The following PREX1 variants were observed in gnomAD, a reference collection of about 807,000 sequenced individuals.
PREX1 encodes phosphatidylinositol 3,4,5-trisphosphate-dependent Rac exchanger 1 protein.
PREX1 carries 41 observed loss-of-function variants against 198.3 expected under a neutral mutation model. The ratio of observed to expected loss-of-function variants is 0.21; its 90% CI spans 0.16 to 0.27. PREX1 has a LOEUF of 0.27. PREX1 is among the 10% of genes least tolerant of loss of function. The probability of loss-of-function intolerance (pLI) is 1.00; values close to 1 mark genes in which losing one functional copy is unlikely to be tolerated. For missense variants in PREX1, 1,620 were observed against 2,200.7 expected (o/e 0.74, Z 5.28); for synonymous variants, 843 against 887.2 (o/e 0.95, Z 0.89).
intron 35 of PREX1, among the ~76,000 whole-genome samples, chr20:48,631,692 T>TCGGC (rs1452809096): frequency 6.6e-6 from 1 of 152,112 alleles, no homozygotes; most frequent in Non-Finnish European, 1.5e-5. Context: ...GTCTTAATTC[T>TCGGC]CGGCCTGCCT....
chr20:48,790,197 A>G (rs1292130852), intron 1 of PREX1, among the ~76,000 whole-genome samples: 1 of 152,222 alleles, frequency 6.6e-6, no homozygotes, highest in African/African-American at 2.4e-5. Flanking sequence ...GCCAGAAGAA[A>G]TAAGTCAGTT....
chr20:48,631,257 T>C (rs879010369), intron 35 of PREX1, among the ~76,000 whole-genome samples: 1 of 152,220 alleles, frequency 6.6e-6, no homozygotes, highest in Non-Finnish European at 1.5e-5. Context: ...AGCTCTGCCA[T>C]TGCAGCACAA....
chr20:48,637,689 C>A (rs756813612), intron 31 of PREX1, 22 bp downstream of exon 31: 37 of 1,601,656 alleles, frequency 2.3e-5, no homozygotes, highest in Non-Finnish European at 3.0e-5. Context: ...ATGTGCCCCC[C>A]ACACACCTTT....
At chr20:48,723,118 G>C (rs2089993289) in intron 5 of PREX1, among the ~76,000 whole-genome samples, 1 of 152,256 alleles carries the variant, frequency 6.6e-6, no homozygotes, top group South Asian at 2.1e-4. Flanking sequence ...TTCAAGTTCA[G>C]CTTTTGGGGG....
the PREX1 span, among the ~76,000 whole-genome samples, chr20:48,885,394 T>C: frequency 1.3e-5 from 2 of 152,190 alleles, no homozygotes; most frequent in Non-Finnish European, 2.9e-5. Context: ...AAGTGGAAGA[T>C]GACAACACCA....
chr20:48,697,424 A>T (rs1348430725), intron 7 of PREX1, among the ~76,000 whole-genome samples: 1 of 146,586 alleles, frequency 6.8e-6, no homozygotes, highest in Non-Finnish European at 1.5e-5. Flanking sequence ...TCTGTCCCCC[A>T]GGCTGGAGTG....
intron 6 of PREX1, among the ~76,000 whole-genome samples, chr20:48,706,108 C>A (rs2089901605): frequency 6.6e-6 from 1 of 152,226 alleles, no homozygotes; most frequent in Admixed American, 6.5e-5. Context: ...GCAACACTGG[C>A]CACTGAGGGC....
rs117901586 is a variant in PREX1, at chr20:48,717,209, T to C, written c.622-8788A>G. 2.3e-3 allele frequency among the ~76,000 whole-genome samples: 353 copies of C among 152,078 alleles called. 4 individuals carry two copies. In the East Asian group the frequency reaches 0.045, roughly 19 times the overall value. Reference sequence around the variant, plus strand: ...GGTTGGTGGGGGTTGGAAAGCCATATTGTCCTCTCCACAAAGAGAAAAAGG... The same window carrying C: ...GGTTGGTGGGGGTTGGAAAGCCATACTGTCCTCTCCACAAAGAGAAAAAGG... On this transcript the variant is annotated intron_variant, in intron 5 of 39. Coordinates refer to ENST00000371941, the MANE Select transcript of PREX1 (RefSeq NM_020820.4).
the PREX1 span, among the ~76,000 whole-genome samples, chr20:48,880,240 C>T: frequency 6.6e-6 from 1 of 152,160 alleles, no homozygotes; most frequent in Non-Finnish European, 1.5e-5. Context: ...CAAATATATA[C>T]ACCTTGAAAT....
rs2089319587 is a variant in PREX1 at position 48,632,159 on chromosome 20, G to A, written c.4526+118C>T. ...GTGCTGTCACACAGAAGGTGCTCAAGAAAGGGTGTGCGGCCCACTGCCCAT... is the reference window on the plus strand; with the variant it reads ...GTGCTGTCACACAGAAGGTGCTCAAAAAAGGGTGTGCGGCCCACTGCCCAT... On this transcript the variant is annotated intron_variant, in intron 35 of 39. Transcript: ENST00000371941. The A allele has an allele frequency of 5.4e-6, 5 of 926,916 alleles. No homozygotes were observed. The Admixed American group carries it at 9.1e-5, about 17-fold the overall frequency. 57.4% of individuals were successfully genotyped at this position (926,916 alleles called of 1,614,324 possible).
chr20:48,667,963 T>TAGCTTCTC (rs1374504301), intron 14 of PREX1, among the ~76,000 whole-genome samples: 1 of 152,206 alleles, frequency 6.6e-6, no homozygotes, highest in Non-Finnish European at 1.5e-5. Flanking sequence ...CTCCACCTGC[T>TAGCTTCTC]AGCTTCTCAG....
chr20:48,728,450 T>C (rs1051865944), intron 4 of PREX1, among the ~76,000 whole-genome samples: 1 of 152,180 alleles, frequency 6.6e-6, no homozygotes, highest in Non-Finnish European at 1.5e-5. Flanking sequence ...CACAATAAGC[T>C]CTGCCTGGAA....
the PREX1 span, among the ~76,000 whole-genome samples, chr20:48,863,991 C>T: frequency 3.3e-5 from 5 of 152,250 alleles, no homozygotes; most frequent in South Asian, 4.1e-4. Context: ...TTTGTCTGGA[C>T]GTGCCACAGT....
In PREX1 at chr20:48,643,479, T is replaced by A. The variant is rs572224655; in HGVS notation, c.3601+930A>T. Among the ~76,000 whole-genome samples the A allele has an allele frequency of 1.3e-3, 196 of 146,576 alleles. 1 individual carries two copies. Among genetic ancestry groups the A allele is most frequent in the Middle Eastern group, 3.4e-3 (1 of 290 alleles). ...TGAGACTCTGTCTCAAAAAAAAATT[T>A]AAAAAAAAAAGCTGTAAGTAGAGTA... is the stretch of plus-strand genomic sequence containing the variant. On this transcript the variant is annotated intron_variant, in intron 27 of 39. Coordinates refer to ENST00000371941, the MANE Select transcript of PREX1 (RefSeq NM_020820.4).
intron 18 of PREX1, chr20:48,656,348 A>C: frequency 2.6e-6 from 1 of 391,702 alleles, no homozygotes; most frequent in Non-Finnish European, 5.2e-6. Flanking sequence ...TGACAATCTG[A>C]GCTCCACTTG....
the PREX1 span, among the ~76,000 whole-genome samples, chr20:48,884,171 C>A: frequency 6.7e-6 from 1 of 148,684 alleles, no homozygotes. Context: ...CAGCTGGTTT[C>A]TTTTTAGTTG....
chr20:48,868,386 C>T, the PREX1 span, among the ~76,000 whole-genome samples: 2 of 151,948 alleles, frequency 1.3e-5, no homozygotes, highest in African/African-American at 4.8e-5. Flanking sequence ...GGCATGATCT[C>T]GGCTCACTGC....
intron 1 of PREX1, among the ~76,000 whole-genome samples, chr20:48,816,221 G>C (rs1033476238): frequency 6.6e-6 from 1 of 152,116 alleles, no homozygotes; most frequent in Non-Finnish European, 1.5e-5. Flanking sequence ...GGCCAGAGAG[G>C]GAGTAAATAA....
chr20:48,635,903 G>A (rs752413497), intron 32 of PREX1, among the ~76,000 whole-genome samples: 1 of 152,226 alleles, frequency 6.6e-6, no homozygotes, highest in Admixed American at 6.5e-5. Flanking sequence ...GCCCCAGGTT[G>A]TGCATTCTGA....
Sources: gnomAD v4.1 joint callset for allele counts (sites outside exome capture counted in the v4.1 genomes callset) on GRCh38, gnomAD v4.1.1 for gene constraint, MANE v1.5 for transcripts, NCBI Gene and HGNC (gene_info 2026-07-23, HGNC 2026-07-21) for gene names.